CRYBA4: variants seen among roughly 807,000 people sequenced by gnomAD.
The protein encoded by CRYBA4 is crystallin beta A4, also known as beta-crystallin A4.
Under a neutral mutation model 31.7 loss-of-function variants are expected in CRYBA4, and 30 were observed. That is an observed-to-expected ratio of 0.95 (90% confidence interval 0.71 to 1.28). The LOEUF is 1.28. Among genes scored for constraint, CRYBA4 ranks in the 50% most tolerant of loss-of-function variants. The pLI, the probability that CRYBA4 is intolerant of heterozygous loss-of-function variation, is 0.00. For synonymous variants in CRYBA4, 102 were observed against 102.3 expected (o/e 1.00, Z 0.02); for missense variants, 225 against 260.7 (o/e 0.86, Z 0.94).
chr22:26,616,476 T>C, the CRYBA4 span: 2 of 666,748 alleles, frequency 3.0e-6, no homozygotes, highest in East Asian at 2.7e-5. Flanking sequence ...CCTGGAAGTT[T>C]TTCTTTCATC....
the CRYBA4 span, among the ~76,000 whole-genome samples, chr22:26,609,282 G>T: frequency 6.6e-6 from 1 of 152,312 alleles, no homozygotes; most frequent in South Asian, 2.1e-4. Flanking sequence ...AACCACACTG[G>T]AGTAAATTAA....
the CRYBA4 span, among the ~76,000 whole-genome samples, chr22:26,605,978 A>G: frequency 6.6e-6 from 1 of 152,200 alleles, no homozygotes. Context: ...GTGGCCCAAC[A>G]CAAATTTGTG....
intron 3 of CRYBA4, among the ~76,000 whole-genome samples, chr22:26,623,565 G>A (rs1271044903): frequency 1.3e-5 from 2 of 152,122 alleles, no homozygotes; most frequent in Admixed American, 6.5e-5. Flanking sequence ...CACAGACCCT[G>A]CCCACTGGAT....
At chr22:26,608,061 T>C in the CRYBA4 span, 1 of 1,613,784 alleles carries the variant, frequency 6.2e-7, no homozygotes, top group East Asian at 2.2e-5. Context: ...AGGAGACATA[T>C]GGTTAGTAGA....
At chr22:26,593,164 G>T in the CRYBA4 span, among the ~76,000 whole-genome samples, 1,649 of 152,286 alleles carry the variant, frequency 0.011, 33 homozygotes, top group Admixed American at 0.029. Context: ...TACCTCTTCT[G>T]TCTTCCTCCC....
At chr22:26,615,517 C>A in the CRYBA4 span, among the ~76,000 whole-genome samples, 1 of 151,022 alleles carries the variant, frequency 6.6e-6, no homozygotes, top group South Asian at 2.1e-4. Flanking sequence ...TCTTTCTATT[C>A]TTTTCTTTTT....
chr22:26,599,746 C>A, the CRYBA4 span: 1 of 1,184,174 alleles, frequency 8.4e-7, no homozygotes, highest in Non-Finnish European at 1.3e-6. Flanking sequence ...CCTGCCAGAC[C>A]AGCCTGTCCT....
upstream of CRYBA4, among the ~76,000 whole-genome samples, chr22:26,617,152 G>T (rs567596226): frequency 4.6e-5 from 7 of 152,186 alleles, no homozygotes; most frequent in African/African-American, 1.7e-4. Flanking sequence ...GCATGTGGAG[G>T]GTTCTGAAAA....
rs1929882625 is a variant in CRYBA4, at chr22:26,630,235, C to T, written c.444-105C>T. On this transcript the variant is annotated intron_variant, in intron 5 of 5. Coordinates refer to ENST00000354760, the MANE Select transcript of CRYBA4 (RefSeq NM_001886.3). ...CACATTGTGAGCACTGAAGAAAGGC[C>T]AGGATGGCTGGAATTGTGTGCGTGT... 5.5e-6 allele frequency: 8 copies of T among 1,462,780 alleles called. No homozygotes were observed. The East Asian group carries it at 1.8e-4, about 34-fold the overall frequency. 90.6% of individuals were successfully genotyped at this position (1,462,780 alleles called of 1,614,324 possible). A position where few individuals can be genotyped will look rare whatever the true frequency, so the allele number is the denominator to read the frequency against.
Position 26,625,413 on chromosome 22 carries a change from A to G in CRYBA4, c.159-68A>G. On this transcript the variant is annotated intron_variant, in intron 3 of 5. Transcript: ENST00000354760. ...TTGTGACTGTGACCGTTCTAGACCC[A>G]ATTGCTGGTCTAGAATGCAGGGTGA... The G allele has an allele frequency of 3.2e-6, 5 of 1,573,164 alleles. No individual in the cohort carries two copies. In the Admixed American group the frequency reaches 8.4e-5, roughly 26 times the overall value.
chr22:26,608,125 A>C, the CRYBA4 span: 1,342,100 of 1,558,880 alleles, frequency 0.86, 579,384 homozygotes, highest in East Asian at 1. Context: ...AGCCCTGAGG[A>C]CAGTAGGAAA....
the CRYBA4 span, chr22:26,607,855 C>T: frequency 6.2e-7 from 1 of 1,613,980 alleles, no homozygotes; most frequent in East Asian, 2.2e-5. Flanking sequence ...CCCCGCCTGG[C>T]TGATTCTCCA....
chr22:26,628,674 C>T (rs779167678), intron 5 of CRYBA4, among the ~76,000 whole-genome samples: 3 of 152,172 alleles, frequency 2.0e-5, no homozygotes, highest in Non-Finnish European at 4.4e-5. Context: ...GATCCAGGTA[C>T]TACAGCAGGT....
At chr22:26,616,069 G>A in the CRYBA4 span, 35 of 1,184,244 alleles carry the variant, frequency 3.0e-5, no homozygotes, top group Non-Finnish European at 4.3e-5. Flanking sequence ...AGAGGAGGAG[G>A]AGAAGAAGGA....
intron 4 of CRYBA4, among the ~76,000 whole-genome samples, chr22:26,627,500 CTTT>C (rs1569211926): frequency 1.7e-3 from 48 of 28,246 alleles, no homozygotes; most frequent in African/African-American, 0.01. Context: ...TTCTTTCTTT[CTTT>C]CTTTCTTTCT....
the CRYBA4 span, among the ~76,000 whole-genome samples, chr22:26,600,592 C>G: frequency 6.6e-6 from 1 of 152,108 alleles, no homozygotes; most frequent in South Asian, 2.1e-4. Flanking sequence ...TGATAATGCA[C>G]CCACCTCCTT....
At chr22:26,617,030 T>A (rs1229984480), upstream of CRYBA4, among the ~76,000 whole-genome samples, 1 of 152,236 alleles carries the variant, frequency 6.6e-6, no homozygotes, top group Non-Finnish European at 1.5e-5. Flanking sequence ...AATGAATGAA[T>A]GCATGCTCCC....
upstream of CRYBA4, among the ~76,000 whole-genome samples, chr22:26,620,582 T>TTTA (rs1929502649): frequency 1.4e-5 from 1 of 69,876 alleles, no homozygotes; most frequent in African/African-American, 5.2e-5. Flanking sequence ...TTTTTTTTTT[T>TTTA]GAGACGGGGT....
chr22:26,610,388 C>T, the CRYBA4 span, among the ~76,000 whole-genome samples: 1 of 152,176 alleles, frequency 6.6e-6, no homozygotes, highest in Non-Finnish European at 1.5e-5. Context: ...GACCCAGGCC[C>T]CCGGACCACA....
Sources: allele counts gnomAD v4.1 joint callset (sites outside exome capture counted in the v4.1 genomes callset), GRCh38; gene constraint gnomAD v4.1.1; transcripts MANE v1.5; gene names NCBI Gene and HGNC (gene_info 2026-07-23, HGNC 2026-07-21).